RYR2: variants seen among roughly 807,000 people sequenced by gnomAD.
RYR2 encodes ryanodine receptor 2.
Under a neutral mutation model 601.1 loss-of-function variants are expected in RYR2, and 227 were observed. The observed-to-expected ratio is 0.38, with a 90% confidence interval of 0.34 to 0.42. The LOEUF is 0.42. Among genes scored for constraint, RYR2 ranks in the 10% least tolerant of loss-of-function variants. RYR2 has a pLI of 1.00. For synonymous variants in RYR2, 2,223 were observed against 2,175.1 expected (o/e 1.02, Z -0.61); for missense variants, 4,646 against 6,156.5 (o/e 0.75, Z 8.21).
chr1:237,567,709 TA>T, intron 28 of RYR2, among the ~76,000 whole-genome samples: 1 of 152,184 alleles, frequency 6.6e-6, no homozygotes, highest in South Asian at 2.1e-4. Context: ...CTTTTTTTTT[TA>T]TTTTTTAAGT....
At chr1:237,403,921 AATG>A (rs1703624899) in intron 10 of RYR2, among the ~76,000 whole-genome samples, 1 of 152,248 alleles carries the variant, frequency 6.6e-6, no homozygotes, top group African/African-American at 2.4e-5. Context: ...AAATAATGAT[AATG>A]ATGATTATAA....
chr1:237,600,392 A>T (rs1392015133), intron 34 of RYR2, among the ~76,000 whole-genome samples: 1 of 152,226 alleles, frequency 6.6e-6, no homozygotes, highest in African/African-American at 2.4e-5. Context: ...AAAATTGAAT[A>T]TCCACATGCA....
chr1:237,081,280 TAAAAAAAAA>T (rs397815900), intron 1 of RYR2, among the ~76,000 whole-genome samples: 35 of 56,278 alleles, frequency 6.2e-4, no homozygotes, highest in African/African-American at 1.6e-3. Context: ...TAGAGTATAA[TAAAAAAAAA>T]AAAAAAAAAA....
In RYR2 at chr1:237,732,073, G is replaced by C. The variant is rs1238152469; in HGVS notation, c.10963G>C (p.Asp3655His). The change falls in exon 78 of 105, where the codon GAT becomes CAT. Residue 3655 changes from aspartate to histidine, a missense_variant. Physicochemically the swap from Asp to His is moderately conservative, Grantham distance 81. Coordinates refer to ENST00000366574, the MANE Select transcript of RYR2 (RefSeq NM_001035.3). ...ACCTGGGGCTGAACCTCCAGAAGAA[G>C]ATGAAGGCACTAAGAGAGTTGATCC... is the stretch of plus-strand genomic sequence containing the variant. ...AKPGAEPPEE[D>H]EGTKRVDPLH... is the part of the protein sequence containing the mutation. 9 of 1,608,472 alleles carry C rather than the reference G, an allele frequency of 5.6e-6. No individual in the cohort carries two copies. The highest frequency in any genetic ancestry group is 7.6e-6 in the Non-Finnish European group (9 of 1,176,518).
chr1:237,300,484 T>G (rs977476540), intron 2 of RYR2, among the ~76,000 whole-genome samples: 6 of 152,216 alleles, frequency 3.9e-5, no homozygotes, highest in African/African-American at 1.4e-4. Flanking sequence ...TTGCCTGCTT[T>G]CTTAGTTCTG....
At chr1:237,082,352 A>G (rs1198105731) in intron 1 of RYR2, among the ~76,000 whole-genome samples, 1 of 151,962 alleles carries the variant, frequency 6.6e-6, no homozygotes, top group Non-Finnish European at 1.5e-5. Flanking sequence ...GAAGCCAATG[A>G]TGATGAGCAA....
intron 1 of RYR2, among the ~76,000 whole-genome samples, chr1:237,087,650 A>C (rs906013800): frequency 6.6e-6 from 1 of 152,080 alleles, no homozygotes; most frequent in African/African-American, 2.4e-5. Flanking sequence ...AGTGCATGGA[A>C]GTTGAATTTA....
chr1:237,760,354 G>T (rs2819764), intron 83 of RYR2, among the ~76,000 whole-genome samples: 134,495 of 139,708 alleles, frequency 0.96, 64,965 homozygotes, highest in East Asian at 1. Flanking sequence ...AGACCCTGTC[G>T]CTAATTTAAA....
chr1:237,269,335 G>A (rs193018817), intron 1 of RYR2, among the ~76,000 whole-genome samples: 11 of 151,390 alleles, frequency 7.3e-5, no homozygotes, highest in Non-Finnish European at 1.3e-4. Context: ...GAGCCACCGC[G>A]CCCGGCCATA....
At position 237,593,421 on chromosome 1, in the gene RYR2, A is replaced by AGTTTT. The variant is rs1483894628; in HGVS notation, c.4276-45_4276-41dup. ...AGACACAGTTAGGATTGCAAATCCA[A>AGTTTT]GTTTTGTTTTGTTTAGTTTTACTTT... On this transcript the variant is annotated intron_variant, in intron 32 of 104. Transcript: ENST00000366574. The AGTTTT allele has an allele frequency of 2.0e-6, 3 of 1,525,058 alleles. 1 individual carries two copies. The highest frequency in any genetic ancestry group is 2.7e-6 in the Non-Finnish European group (3 of 1,131,126). The allele number at this position is 1,525,058 out of a possible 1,614,324, so 94.5% of individuals were successfully genotyped here. A position where few individuals can be genotyped will look rare whatever the true frequency, so the allele number is the denominator to read the frequency against.
At chr1:237,499,055 G>A (rs1213009165) in intron 20 of RYR2, among the ~76,000 whole-genome samples, 1 of 151,776 alleles carries the variant, frequency 6.6e-6, no homozygotes, top group African/African-American at 2.4e-5. Context: ...AACCTTCTTG[G>A]GGGTCGTTCT....
intron 67 of RYR2, among the ~76,000 whole-genome samples, chr1:237,706,340 A>T (rs181545969): frequency 1.2e-4 from 19 of 152,276 alleles, no homozygotes; most frequent in Admixed American, 2.0e-4. Flanking sequence ...GGGCACATTG[A>T]TGTTAAGAAA....
Position 237,492,310 on chromosome 1 carries a change from G to A in RYR2, c.1827+386G>A, listed in dbSNP as rs139634907. ...GCCTCCCAAAATTCTGGGATTACAGGCATGAGCCACCGCGCCTGGGCTTCA... is the reference window on the plus strand; with the variant it reads ...GCCTCCCAAAATTCTGGGATTACAGACATGAGCCACCGCGCCTGGGCTTCA... On this transcript the variant is annotated intron_variant, in intron 18 of 104. Coordinates refer to ENST00000366574, the MANE Select transcript of RYR2 (RefSeq NM_001035.3). 4.1e-3 allele frequency among the ~76,000 whole-genome samples: 632 copies of A among 152,294 alleles called. 2 individuals carry two copies. The highest frequency in any genetic ancestry group is 0.014 in the African/African-American group (571 of 41,556).
intron 3 of RYR2, among the ~76,000 whole-genome samples, chr1:237,333,270 C>T (rs779427705): frequency 9.9e-5 from 15 of 152,182 alleles, no homozygotes; most frequent in Non-Finnish European, 1.8e-4. Flanking sequence ...TAGAAAGAAA[C>T]CAATGTCAAA....
At chr1:237,333,165 G>T (rs1311711492) in intron 3 of RYR2, among the ~76,000 whole-genome samples, 1 of 152,210 alleles carries the variant, frequency 6.6e-6, no homozygotes, top group African/African-American at 2.4e-5. Context: ...GTTACCATAA[G>T]ACATGAATTA....
intron 27 of RYR2, among the ~76,000 whole-genome samples, chr1:237,552,887 C>A (rs1299805313): frequency 6.6e-6 from 1 of 151,850 alleles, no homozygotes; most frequent in African/African-American, 2.4e-5. Context: ...ATTAATCTTT[C>A]ATTTCTCTTA....
In RYR2 at chr1:237,631,478, A is replaced by C; in HGVS notation, c.6492A>C (p.Ala2164=). The C allele has an allele frequency of 6.2e-7, 1 of 1,613,830 alleles. No homozygotes were observed. The highest frequency in any genetic ancestry group is 8.5e-7 in the Non-Finnish European group (1 of 1,179,874). Residue 2164 remains alanine, a synonymous_variant, in exon 42 of 105, where the codon GCA becomes GCC. Transcript: ENST00000366574. ...ACCAGCACCCTAATCTCATGAGGGC[A>C]CTGGGGATGCACGAGACTGTGATGG... ...VFYQHPNLMR[A]LGMHETVMEV...
intron 5 of RYR2, among the ~76,000 whole-genome samples, chr1:237,368,752 A>C (rs1558696787): frequency 6.6e-6 from 1 of 152,122 alleles, no homozygotes; most frequent in African/African-American, 2.4e-5. Context: ...GCCTGGAGGC[A>C]TTATGATCAA....
At chr1:237,074,728 G>A (rs879300673) in intron 1 of RYR2, among the ~76,000 whole-genome samples, 1 of 152,196 alleles carries the variant, frequency 6.6e-6, no homozygotes, top group African/African-American at 2.4e-5. Context: ...CAGTGTAAGA[G>A]TCTGTCTTGT....
Sources: gnomAD v4.1 joint callset for allele counts (sites outside exome capture counted in the v4.1 genomes callset) on GRCh38, gnomAD v4.1.1 for gene constraint, MANE v1.5 for transcripts, NCBI Gene and HGNC (gene_info 2026-07-23, HGNC 2026-07-21) for gene names.